Variants in CNOT2 observed in about 807,000 individuals in gnomAD.
CNOT2 encodes CC chemokine receptor 4-negative regulator of transcription 2.
CNOT2 carries 7 observed loss-of-function variants against 72.1 expected under a neutral mutation model. That is an observed-to-expected ratio of 0.10 (90% CI 0.06 to 0.18). The LOEUF (loss-of-function observed/expected upper bound fraction) is 0.18, where lower values mean the gene tolerates loss of function less well. Ranked by LOEUF, CNOT2 falls within the 10% of genes least tolerant of loss-of-function variation. CNOT2 has a pLI of 1.00. For missense variants in CNOT2, 345 were observed against 660.3 expected (o/e 0.52, Z 5.23); for synonymous variants, 196 against 225.6 (o/e 0.87, Z 1.17).
At chr12:70,351,456 G>A (rs945577872) in intron 15 of CNOT2, among the ~76,000 whole-genome samples, 7 of 152,060 alleles carry the variant, frequency 4.6e-5, no homozygotes, top group South Asian at 2.1e-4. Flanking sequence ...ATTTTAAAAC[G>A]TGGAAGGCAA....
At chr12:70,316,445 T>C (rs1877350751) in intron 3 of CNOT2, among the ~76,000 whole-genome samples, 1 of 152,158 alleles carries the variant, frequency 6.6e-6, no homozygotes, top group Non-Finnish European at 1.5e-5. Context: ...ATTTGTTTGA[T>C]GAAATATTGC....
chr12:70,306,829 C>T (rs948072993), intron 2 of CNOT2, among the ~76,000 whole-genome samples: 4 of 152,252 alleles, frequency 2.6e-5, no homozygotes, highest in East Asian at 1.9e-4. Context: ...CTGAGAAATG[C>T]GTCAGGCACT....
chr12:70,248,665 G>T (rs1021810094), intron 1 of CNOT2, among the ~76,000 whole-genome samples: 1 of 152,080 alleles, frequency 6.6e-6, no homozygotes, highest in Middle Eastern at 3.2e-3. Context: ...AAACAGGATA[G>T]ATGACTCTCA....
rs1447564556 is a variant in CNOT2 at position 70,278,280 on chromosome 12, A to C, written c.48+6A>C. The C allele has an allele frequency of 6.3e-7, 1 of 1,596,612 alleles. No individual in the cohort carries two copies. Among genetic ancestry groups the C allele is most frequent in the Non-Finnish European group, 8.6e-7 (1 of 1,164,218 alleles). On this transcript the variant is annotated splice_donor_region_variant and intron_variant, in intron 2 of 15. Coordinates refer to ENST00000229195, the MANE Select transcript of CNOT2 (RefSeq NM_014515.7). ...CTGAGAAAAGAAACTACCAGGTAAG[A>C]CCAGTCTTTCTTCTTTTTTCTCTAT...
chr12:70,253,117 C>G lies in CNOT2; in HGVS notation c.-96+9637C>G, dbSNP rs1240159300. On this transcript the variant is annotated intron_variant, in intron 1 of 15. Transcript: ENST00000229195. Reference sequence around the variant, plus strand: ...TAAATAAATCGTCATATTGCTCTGTCTGTAGTACTTGGCAAAGCACAGGGC... The same window carrying G: ...TAAATAAATCGTCATATTGCTCTGTGTGTAGTACTTGGCAAAGCACAGGGC... Among the ~76,000 whole-genome samples the G allele has an allele frequency of 2.0e-5, 3 of 152,158 alleles. 1 individual carries two copies. The highest frequency in any genetic ancestry group is 1.3e-4 in the Admixed American group (2 of 15,274).
In CNOT2 at chr12:70,308,584, T is replaced by TCTCTCTCA. The variant is rs550679130; in HGVS notation, c.49-2310_49-2309insTCTCTCAC. Among the ~76,000 whole-genome samples, 432 of 133,306 alleles carry TCTCTCTCA rather than the reference T, an allele frequency of 3.2e-3. 8 individuals carry two copies. Among genetic ancestry groups the TCTCTCTCA allele is most frequent in the African/African-American group, 0.011 (381 of 35,474 alleles). The allele number at this position is 133,306 out of a possible 152,430, so 87.5% of individuals were successfully genotyped here. On this transcript the variant is annotated intron_variant, in intron 2 of 15. Transcript: ENST00000229195. The stretch of plus-strand genomic sequence containing the variant: ...CTCTCTCTCTCTCTCTCTCTCTCTC[T>TCTCTCTCA]CACACACACACACACACACACACAG...
chr12:70,266,046 T>C (rs1341002851), intron 1 of CNOT2, among the ~76,000 whole-genome samples: 1 of 151,718 alleles, frequency 6.6e-6, no homozygotes, highest in Admixed American at 6.6e-5. Flanking sequence ...ACTAATTTGA[T>C]GAATGTTTCA....
intron 2 of CNOT2, among the ~76,000 whole-genome samples, chr12:70,293,387 G>A (rs1029530390): frequency 1.3e-5 from 2 of 152,094 alleles, no homozygotes; most frequent in African/African-American, 2.4e-5. Context: ...TCAAACTCCC[G>A]ACCTCAGGTG....
rs71437141 is a variant in CNOT2 at position 70,261,305 on chromosome 12, C to CTTTTTT, written c.-95-16805_-95-16800dup. On this transcript the variant is annotated intron_variant, in intron 1 of 15. Transcript: ENST00000229195. The stretch of plus-strand genomic sequence containing the variant: ...ATCTTTGTGCCTATTTTCTTTCTTT[C>CTTTTTT]TTTTTTTTTTTTTTTTTTTTTTTTT... 4.2e-3 allele frequency among the ~76,000 whole-genome samples: 182 copies of CTTTTTT among 43,354 alleles called. 27 individuals carry two copies. The highest frequency in any genetic ancestry group is 7.9e-3 in the East Asian group (6 of 758). The allele number at this position is 43,354 out of a possible 152,430, so 28.4% of individuals were successfully genotyped here.
chr12:70,282,644 T>G (rs1235181310), intron 2 of CNOT2, among the ~76,000 whole-genome samples: 1 of 152,184 alleles, frequency 6.6e-6, no homozygotes, highest in Non-Finnish European at 1.5e-5. Context: ...AAATGTGTAT[T>G]TTTCTGCATT....
intron 1 of CNOT2, among the ~76,000 whole-genome samples, chr12:70,258,815 A>G (rs1593048470): frequency 6.6e-6 from 1 of 152,336 alleles, no homozygotes; most frequent in East Asian, 1.9e-4. Flanking sequence ...CTTGTTCAGG[A>G]GAAAGGGCTT....
intron 2 of CNOT2, among the ~76,000 whole-genome samples, chr12:70,285,203 T>C (rs1319102715): frequency 6.6e-6 from 1 of 151,334 alleles, no homozygotes; most frequent in Admixed American, 6.6e-5. Flanking sequence ...GTTTTGATTT[T>C]GTTTTTGTTT....
intron 1 of CNOT2, among the ~76,000 whole-genome samples, chr12:70,270,500 C>G (rs957207890): frequency 6.6e-6 from 1 of 152,160 alleles, no homozygotes; most frequent in Middle Eastern, 3.4e-3. Context: ...TAGGTTTACT[C>G]TAATTTTAAT....
At chr12:70,279,915 T>C (rs1869519386) in intron 2 of CNOT2, among the ~76,000 whole-genome samples, 1 of 152,204 alleles carries the variant, frequency 6.6e-6, no homozygotes, top group African/African-American at 2.4e-5. Flanking sequence ...TAATCCAGGT[T>C]TTTGAGCATA....
At chr12:70,336,611 C>G (rs2136047488) in intron 8 of CNOT2, 1 of 151,846 alleles carries the variant, frequency 6.6e-6, no homozygotes, top group African/African-American at 2.4e-5. Context: ...TGTTTATATT[C>G]TAAAGTTTCC....
At chr12:70,284,531 G>A (rs1870520598) in intron 2 of CNOT2, among the ~76,000 whole-genome samples, 1 of 151,364 alleles carries the variant, frequency 6.6e-6, no homozygotes, top group South Asian at 2.1e-4. Flanking sequence ...ACAGGCATGA[G>A]CCACTGTGCC....
At chr12:70,323,260 G>T (rs1878576938) in intron 4 of CNOT2, 1 of 151,478 alleles carries the variant, frequency 6.6e-6, no homozygotes, top group Admixed American at 6.6e-5. Flanking sequence ...TACTGCTATG[G>T]TGTTGCTGCA....
intron 1 of CNOT2, among the ~76,000 whole-genome samples, chr12:70,263,900 A>G (rs181261393): frequency 2.0e-5 from 3 of 152,292 alleles, no homozygotes; most frequent in Admixed American, 1.3e-4. Flanking sequence ...TGCCGTGTGA[A>G]GTGCCTGATG....
At chr12:70,257,658 C>T (rs1323455369) in intron 1 of CNOT2, among the ~76,000 whole-genome samples, 1 of 151,766 alleles carries the variant, frequency 6.6e-6, no homozygotes, top group Non-Finnish European at 1.5e-5. Flanking sequence ...TGAGCCACCG[C>T]GCCCGGCCCC....
Sources: gnomAD v4.1 joint callset for allele counts (sites outside exome capture counted in the v4.1 genomes callset) on GRCh38, gnomAD v4.1.1 for gene constraint, MANE v1.5 for transcripts, NCBI Gene and HGNC (gene_info 2026-07-23, HGNC 2026-07-21) for gene names.